Variants in ESR2 observed in about 807,000 individuals in gnomAD.
ESR2 encodes estrogen receptor 2.
In ESR2, 36 loss-of-function variants were observed where a neutral mutation model predicts 49.6. The ratio of observed to expected loss-of-function variants is 0.73; its 90% CI spans 0.56 to 0.96. The LOEUF (loss-of-function observed/expected upper bound fraction) is 0.96, where lower values mean the gene tolerates loss of function less well. ESR2 is among the 40% of genes least tolerant of loss of function. The pLI, the probability that ESR2 is intolerant of heterozygous loss-of-function variation, is 0.00. For synonymous variants in ESR2, 320 were observed against 266.1 expected (o/e 1.20, Z -1.97); for missense variants, 714 against 693.0 (o/e 1.03, Z -0.34).
In ESR2 at chr14:64,232,804, A is replaced by G. The variant is rs1596360681; in HGVS notation, c.*333T>C. On this transcript the variant is annotated 3_prime_UTR_variant, in exon 9 of 9. Coordinates refer to ENST00000341099, the MANE Select transcript of ESR2 (RefSeq NM_001437.3). Reference sequence around the variant, plus strand: ...TTCTGATTCGCAGCCCTTCCAAGTCAGATTTCCACCATTCATTCCAAAACC... The same window carrying G: ...TTCTGATTCGCAGCCCTTCCAAGTCGGATTTCCACCATTCATTCCAAAACC... 8.8e-6 allele frequency: 2 copies of G among 228,000 alleles called. No homozygotes were observed. Among genetic ancestry groups the G allele is most frequent in the Non-Finnish European group, 1.7e-5 (2 of 117,568 alleles). 14.1% of individuals were successfully genotyped at this position (228,000 alleles called of 1,614,324 possible).
intron 3 of ESR2, among the ~76,000 whole-genome samples, chr14:64,271,395 G>T (rs982129507): frequency 6.6e-6 from 1 of 151,626 alleles, no homozygotes; most frequent in Non-Finnish European, 1.5e-5. Flanking sequence ...GCATGATCTC[G>T]ACTCACTGCA....
At chr14:64,257,178 A>C in intron 6 of ESR2, 48 bp downstream of exon 6, 1 of 1,576,972 alleles carries the variant, frequency 6.3e-7, no homozygotes, top group East Asian at 2.2e-5. Context: ...CTCACTAAGC[A>C]CCTTACTCAA....
Position 64,268,907 on chromosome 14 carries a change from A to G in ESR2, c.540T>C (p.His180=), listed in dbSNP as rs1229143708. ...KAFFKRSIQG[H]NDYICPATNQ... is the part of the protein sequence containing the mutation. ...TTGTAGCTGGACAAATATAATCATT[A>G]TGTCCTATAGCAGAGTGGGAGGGAA... Residue 180 remains histidine (H), a synonymous_variant, in exon 4 of 9, where the codon CAT becomes CAC. Transcript: ENST00000341099. 2.5e-6 allele frequency: 4 copies of G among 1,575,770 alleles called. No individual in the cohort carries two copies. In the African/African-American group the frequency reaches 4.0e-5, roughly 16 times the overall value.
At chr14:64,295,828 G>A (rs754323520), upstream of ESR2, among the ~76,000 whole-genome samples, 5 of 152,046 alleles carry the variant, frequency 3.3e-5, no homozygotes, top group Non-Finnish European at 4.4e-5. Context: ...GGTGGATCAC[G>A]AGGTCAGGAG....
At chr14:64,337,216 T>G (rs1269772818) in intron 1 of ESR2, among the ~76,000 whole-genome samples, 4 of 152,234 alleles carry the variant, frequency 2.6e-5, no homozygotes, top group Admixed American at 2.6e-4. Flanking sequence ...AATTGAGAGA[T>G]AAAGCATCTG....
chr14:64,306,765 G>T (rs549775285), intron 1 of ESR2, among the ~76,000 whole-genome samples: 18 of 152,226 alleles, frequency 1.2e-4, no homozygotes, highest in African/African-American at 3.1e-4. Context: ...GTCAGGTTTT[G>T]GTATCAGGGT....
intron 6 of ESR2, among the ~76,000 whole-genome samples, chr14:64,254,552 G>C (rs2076057989): frequency 6.7e-6 from 1 of 149,104 alleles, no homozygotes; most frequent in African/African-American, 2.5e-5. Context: ...CTCGAGACCA[G>C]CTTGGCCAAC....
At chr14:64,305,647 G>A (rs2077085349) in intron 1 of ESR2, among the ~76,000 whole-genome samples, 1 of 151,702 alleles carries the variant, frequency 6.6e-6, no homozygotes, top group Non-Finnish European at 1.5e-5. Context: ...CTCCAGCCTG[G>A]GCAACACAGC....
At chr14:64,317,994 G>A (rs978208249) in intron 1 of ESR2, among the ~76,000 whole-genome samples, 4 of 152,120 alleles carry the variant, frequency 2.6e-5, no homozygotes, top group African/African-American at 9.7e-5. Context: ...AGAAGATCTA[G>A]CCAGTGCAAT....
At chr14:64,238,006 C>T (rs1411416362) in intron 7 of ESR2, among the ~76,000 whole-genome samples, 1 of 152,194 alleles carries the variant, frequency 6.6e-6, no homozygotes, top group East Asian at 1.9e-4. Context: ...GAACTGTATA[C>T]TTAATATGGA....
At position 64,273,679 on chromosome 14, in the gene ESR2, C is replaced by T. The variant is rs146208159; in HGVS notation, c.536-4768G>A. Among the ~76,000 whole-genome samples the T allele has an allele frequency of 9.7e-4, 147 of 152,190 alleles. 4 individuals are homozygous for T. The East Asian group carries it at 0.022, about 23-fold the overall frequency. On this transcript the variant is annotated intron_variant, in intron 3 of 8. Coordinates refer to ENST00000341099, the MANE Select transcript of ESR2 (RefSeq NM_001437.3). ...TGGTTATGATGAATAATCTTTTTAA[C>T]GTGTTGTTGCATTTGGTTTGTATTT...
In ESR2 at chr14:64,230,235, G is replaced by C. The variant is rs1052927714; in HGVS notation, c.*2902C>G. Among the ~76,000 whole-genome samples the C allele has an allele frequency of 4.6e-5, 7 of 151,100 alleles. No homozygotes were observed. The highest frequency in any genetic ancestry group is 1.0e-4 in the Non-Finnish European group (7 of 67,874). On this transcript the variant is annotated 3_prime_UTR_variant, in exon 9 of 9. Coordinates refer to ENST00000341099, the MANE Select transcript of ESR2 (RefSeq NM_001437.3). ...AAAAAGGTGTCAAATCTTATTAAGT[G>C]AGGATACTTTGTTTCAAAATAGGCC... is the stretch of plus-strand genomic sequence containing the variant.
At chr14:64,323,166 T>C (rs1442304235) in intron 1 of ESR2, among the ~76,000 whole-genome samples, 1 of 152,236 alleles carries the variant, frequency 6.6e-6, no homozygotes, top group Non-Finnish European at 1.5e-5. Context: ...CTTTAAACTG[T>C]TTAGCATAGC....
At chr14:64,278,314 AATT>A (rs1203314678) in intron 3 of ESR2, among the ~76,000 whole-genome samples, 1 of 152,214 alleles carries the variant, frequency 6.6e-6, no homozygotes, top group Non-Finnish European at 1.5e-5. Context: ...CAGAGCTAGT[AATT>A]ATAAAATCCA....
chr14:64,291,282 C>A (rs2076866406), intron 1 of ESR2, among the ~76,000 whole-genome samples: 1 of 152,184 alleles, frequency 6.6e-6, no homozygotes, highest in African/African-American at 2.4e-5. Flanking sequence ...AGCAATCTAT[C>A]TTTCTAGGTC....
chr14:64,282,601 T>A, intron 2 of ESR2, 23 bp downstream of exon 2: 1 of 1,563,490 alleles, frequency 6.4e-7, no homozygotes, highest in Non-Finnish European at 8.7e-7. Flanking sequence ...GCAACTATAA[T>A]TCAGAATGAA....
chr14:64,257,954 C>A (rs1224956400), intron 5 of ESR2, among the ~76,000 whole-genome samples: 2 of 152,160 alleles, frequency 1.3e-5, no homozygotes, highest in African/African-American at 2.4e-5. Context: ...TAGCCAAGCA[C>A]ACCTGTAATC....
chr14:64,295,199 AC>A (rs3841304), upstream of ESR2, among the ~76,000 whole-genome samples: 22 of 146,306 alleles, frequency 1.5e-4, no homozygotes, highest in South Asian at 6.4e-4. Flanking sequence ...CATTGTGAGA[AC>A]CCCCCAGTGT....
At chr14:64,295,129 G>A (rs981854463), upstream of ESR2, among the ~76,000 whole-genome samples, 6 of 152,214 alleles carry the variant, frequency 3.9e-5, no homozygotes, top group South Asian at 4.1e-4. Context: ...AGTCTTAACT[G>A]GCTTTAAGGC....
Sources: gnomAD v4.1 joint callset for allele counts (sites outside exome capture counted in the v4.1 genomes callset) on GRCh38, gnomAD v4.1.1 for gene constraint, MANE v1.5 for transcripts, NCBI Gene and HGNC (gene_info 2026-07-23, HGNC 2026-07-21) for gene names.